Variants in RCAN1 observed in about 807,000 individuals in gnomAD.
RCAN1 encodes calcipressin-1.
A neutral mutation model predicts 22.9 loss-of-function variants in RCAN1; 11 were observed. The ratio of observed to expected loss-of-function variants is 0.48; its 90% CI spans 0.30 to 0.79. The LOEUF is 0.79. RCAN1 is among the 30% of genes least tolerant of loss of function. RCAN1 has a pLI of 0.06. For missense variants in RCAN1, 291 were observed against 337.8 expected, an observed-to-expected ratio of 0.86 and a Z score of 1.09; for synonymous variants, 136 against 142.3, an observed-to-expected ratio of 0.96 and a Z score of 0.32.
intron 1 of RCAN1, chr21:34,525,027 G>A (rs543074743): frequency 3.3e-4 from 507 of 1,541,874 alleles, no homozygotes; most frequent in Non-Finnish European, 4.3e-4. Flanking sequence ...GGGCTGGCCA[G>A]GAAGAAGGGG....
At chr21:34,567,390 G>A (rs980575420) in intron 1 of RCAN1, among the ~76,000 whole-genome samples, 3 of 151,914 alleles carry the variant, frequency 2.0e-5, no homozygotes, top group Non-Finnish European at 4.4e-5. Context: ...CCAGCTACTC[G>A]GGAGACTCTG....
At chr21:34,604,445 T>C (rs1988461652) in intron 1 of RCAN1, among the ~76,000 whole-genome samples, 1 of 152,102 alleles carries the variant, frequency 6.6e-6, no homozygotes, top group South Asian at 2.1e-4. Context: ...TTGGGGTCAT[T>C]TAAATCATCC....
intron 1 of RCAN1, among the ~76,000 whole-genome samples, chr21:34,582,134 C>T (rs1987633479): frequency 6.6e-6 from 1 of 152,152 alleles, no homozygotes; most frequent in African/African-American, 2.4e-5. Flanking sequence ...ACCTTTGACA[C>T]CACGGACTCA....
Position 34,603,163 on chromosome 21 carries a change from G to A in RCAN1, c.252+11597C>T, listed in dbSNP as rs1236209492. 2.6e-5 allele frequency among the ~76,000 whole-genome samples: 4 copies of A among 152,154 alleles called. No homozygotes were observed. The East Asian group carries it at 5.8e-4, about 22-fold the overall frequency. On this transcript the variant is annotated intron_variant, in intron 1 of 3. Coordinates refer to ENST00000313806, the MANE Select transcript of RCAN1 (RefSeq NM_004414.7). ...AAAGTGCACTTTGCCTTTGATGCCT[G>A]AAATAAAGTGTAAGTCAACCAGCAA...
At chr21:34,600,153 T>C (rs949996784) in intron 1 of RCAN1, among the ~76,000 whole-genome samples, 4 of 152,188 alleles carry the variant, frequency 2.6e-5, no homozygotes, top group African/African-American at 7.2e-5. Flanking sequence ...GGGGACAGAC[T>C]GCTGGGTGGC....
intron 2 of RCAN1, chr21:34,523,116 T>G (rs1984710298): frequency 6.4e-6 from 1 of 155,338 alleles, no homozygotes. Context: ...GTTTCTCTGC[T>G]GAGTACCCCC....
intron 1 of RCAN1, among the ~76,000 whole-genome samples, chr21:34,594,161 G>A (rs76684678): frequency 0.027 from 4,176 of 152,242 alleles, 162 homozygotes; most frequent in South Asian, 0.11. Context: ...GATATGAACA[G>A]TCAATTCACA....
At chr21:34,521,246 C>T in intron 3 of RCAN1, 2 of 1,430,358 alleles carry the variant, frequency 1.4e-6, no homozygotes, top group Non-Finnish European at 1.8e-6. Context: ...ATTCCTGGGA[C>T]ACTGCGGGGG....
At chr21:34,519,894 AT>A (rs1984375598) in intron 3 of RCAN1, among the ~76,000 whole-genome samples, 1 of 152,198 alleles carries the variant, frequency 6.6e-6, no homozygotes, top group Admixed American at 6.5e-5. Context: ...CTGGAATGTT[AT>A]TATAACTGCA....
intron 1 of RCAN1, among the ~76,000 whole-genome samples, chr21:34,556,077 TA>T (rs1986555272): frequency 1.8e-5 from 1 of 56,640 alleles, no homozygotes; most frequent in South Asian, 6.2e-4. Flanking sequence ...AATAAATAAA[TA>T]AATAAATAAA....
At chr21:34,582,160 G>A (rs919701444) in intron 1 of RCAN1, among the ~76,000 whole-genome samples, 1 of 152,148 alleles carries the variant, frequency 6.6e-6, no homozygotes, top group African/African-American at 2.4e-5. Flanking sequence ...GCCACAGAAT[G>A]TCATTTATCA....
chr21:34,584,123 C>T (rs1023744954), intron 1 of RCAN1, among the ~76,000 whole-genome samples: 2 of 152,214 alleles, frequency 1.3e-5, no homozygotes, highest in Admixed American at 6.5e-5. Flanking sequence ...CAATCACAGC[C>T]TGCTGCTGTC....
chr21:34,548,402 T>G (rs1986228099), intron 1 of RCAN1, among the ~76,000 whole-genome samples: 1 of 152,182 alleles, frequency 6.6e-6, no homozygotes, highest in Admixed American at 6.5e-5. Flanking sequence ...AAATCAGTTT[T>G]CCTAATAAAA....
chr21:34,532,832 T>C (rs2123606359), intron 1 of RCAN1, among the ~76,000 whole-genome samples: 1 of 152,368 alleles, frequency 6.6e-6, no homozygotes, highest in South Asian at 2.1e-4. Context: ...AGTAGAACTT[T>C]GGATAGTTTT....
chr21:34,549,367 C>T, intron 1 of RCAN1, among the ~76,000 whole-genome samples: 1 of 152,132 alleles, frequency 6.6e-6, no homozygotes, highest in Non-Finnish European at 1.5e-5. Context: ...ATTTTTACTT[C>T]TTTTATAGCA....
chr21:34,579,776 T>A (rs1260370782), intron 1 of RCAN1, among the ~76,000 whole-genome samples: 1 of 152,126 alleles, frequency 6.6e-6, no homozygotes, highest in Non-Finnish European at 1.5e-5. Flanking sequence ...CAAATTACAT[T>A]TTCTAAAACT....
chr21:34,519,547 T>C (rs1042895232), intron 3 of RCAN1, among the ~76,000 whole-genome samples: 3 of 151,954 alleles, frequency 2.0e-5, no homozygotes, highest in African/African-American at 4.8e-5. Context: ...TACAGGCGCA[T>C]GCCATCATAC....
At chr21:34,581,907 G>A (rs1033505803) in intron 1 of RCAN1, among the ~76,000 whole-genome samples, 10 of 152,126 alleles carry the variant, frequency 6.6e-5, no homozygotes, top group African/African-American at 2.2e-4. Flanking sequence ...CCTTGTTAGT[G>A]ACCTCCCAAC....
At chr21:34,544,067 T>C (rs4816492) in intron 1 of RCAN1, among the ~76,000 whole-genome samples, 23,091 of 152,298 alleles carry the variant, frequency 0.15, 1,834 homozygotes, top group African/African-American at 0.2. Context: ...GTAGGTGCTT[T>C]TCAGACTGTG....
Sources: gnomAD v4.1 joint callset for allele counts (sites outside exome capture counted in the v4.1 genomes callset) on GRCh38, gnomAD v4.1.1 for gene constraint, MANE v1.5 for transcripts, NCBI Gene and HGNC (gene_info 2026-07-23, HGNC 2026-07-21) for gene names.